JAKMIP2: variants seen among roughly 807,000 people sequenced by gnomAD.
JAKMIP2 encodes janus kinase and microtubule interacting protein 2, also known as janus kinase and microtubule-interacting protein 2.
JAKMIP2 carries 25 observed loss-of-function variants against 115.0 expected under a neutral mutation model. The ratio of observed to expected loss-of-function variants is 0.22; its 90% CI spans 0.16 to 0.30. The LOEUF (loss-of-function observed/expected upper bound fraction) is 0.30. JAKMIP2 is among the 10% of genes least tolerant of loss of function. The pLI is 1.00. For synonymous variants in JAKMIP2, 334 were observed against 343.6 expected (o/e 0.97, Z 0.31); for missense variants, 642 against 957.6 (o/e 0.67, Z 4.35).
intron 21 of JAKMIP2, among the ~76,000 whole-genome samples, chr5:147,596,787 A>C (rs1310441742): frequency 2.0e-5 from 3 of 152,238 alleles, no homozygotes; most frequent in Non-Finnish European, 4.4e-5. Context: ...TTACACAAAA[A>C]GGAATTACTA....
intron 1 of JAKMIP2, among the ~76,000 whole-genome samples, chr5:147,705,963 A>G (rs752687671): frequency 1.3e-4 from 20 of 152,236 alleles, no homozygotes; most frequent in Non-Finnish European, 2.6e-4. Flanking sequence ...TTAACAATTG[A>G]AAATGTAAGT....
chr5:147,671,452 G>T (rs1759580144), intron 2 of JAKMIP2, among the ~76,000 whole-genome samples: 3 of 152,216 alleles, frequency 2.0e-5, no homozygotes, highest in Admixed American at 6.5e-5. Flanking sequence ...TTCCAGAGGA[G>T]GCTAAGATCT....
At chr5:147,594,598 T>C (rs1003787747) in intron 21 of JAKMIP2, 3 of 306,358 alleles carry the variant, frequency 9.8e-6, no homozygotes, top group African/African-American at 2.2e-5. Context: ...CCTCTCAAAA[T>C]GCTGTGATTA....
intron 1 of JAKMIP2, among the ~76,000 whole-genome samples, 155 bp from the exon 2 acceptor site, chr5:147,672,109 A>AT (rs907725312): frequency 7.3e-5 from 11 of 151,442 alleles, no homozygotes; most frequent in Non-Finnish European, 8.8e-5. Context: ...GTTTAGAGTG[A>AT]TTTTTTTTTC....
intron 1 of JAKMIP2, among the ~76,000 whole-genome samples, chr5:147,756,780 T>C (rs1198155185): frequency 6.6e-6 from 1 of 152,054 alleles, no homozygotes; most frequent in African/African-American, 2.4e-5. Context: ...AGCTGCTGTT[T>C]CCAGATTTAC....
intron 1 of JAKMIP2, among the ~76,000 whole-genome samples, chr5:147,751,949 G>A (rs1027374695): frequency 1.3e-5 from 2 of 152,124 alleles, no homozygotes; most frequent in Admixed American, 6.5e-5. Flanking sequence ...AATAGCCAAA[G>A]TCTGCCGTCA....
At chr5:147,626,690 G>T (rs977488202) in intron 16 of JAKMIP2, among the ~76,000 whole-genome samples, 1 of 152,186 alleles carries the variant, frequency 6.6e-6, no homozygotes, top group African/African-American at 2.4e-5. Flanking sequence ...AAGTACAGTT[G>T]TACTGCACCC....
chr5:147,631,016 A>G (rs1368362), intron 14 of JAKMIP2, among the ~76,000 whole-genome samples: 9,646 of 152,230 alleles, frequency 0.063, 860 homozygotes, highest in African/African-American at 0.2. Context: ...GCAATTCCAT[A>G]ATTATGAATT....
At chr5:147,640,937 T>C (rs1757853967) in intron 8 of JAKMIP2, 114 bp from the exon 9 acceptor site, 2 of 804,216 alleles carry the variant, frequency 2.5e-6, no homozygotes, top group East Asian at 2.7e-5. Context: ...ATGGATCCTC[T>C]ATGCTTCTTT....
At chr5:147,682,891 C>G (rs1425105152) in intron 1 of JAKMIP2, among the ~76,000 whole-genome samples, 1 of 152,190 alleles carries the variant, frequency 6.6e-6, no homozygotes, top group Non-Finnish European at 1.5e-5. Flanking sequence ...AATTTCACTC[C>G]TCAGCACTGG....
chr5:147,708,244 A>G (rs79964031), intron 1 of JAKMIP2, among the ~76,000 whole-genome samples: 1,906 of 152,314 alleles, frequency 0.013, 51 homozygotes, highest in African/African-American at 0.044. Flanking sequence ...GACCGAAGAA[A>G]GATTCATACT....
At chr5:147,731,664 C>T (rs541985016) in intron 1 of JAKMIP2, among the ~76,000 whole-genome samples, 1 of 152,212 alleles carries the variant, frequency 6.6e-6, no homozygotes, top group South Asian at 2.1e-4. Flanking sequence ...GTCATGTTTA[C>T]CCAGGAAGAC....
intron 9 of JAKMIP2, among the ~76,000 whole-genome samples, 191 bp from the exon 10 acceptor site, chr5:147,639,951 A>G (rs1346463042): frequency 2.0e-5 from 3 of 152,238 alleles, no homozygotes; most frequent in Non-Finnish European, 4.4e-5. Flanking sequence ...TGGACACTGC[A>G]GAAATACATA....
intron 1 of JAKMIP2, among the ~76,000 whole-genome samples, chr5:147,692,089 T>A (rs1372024506): frequency 6.6e-6 from 1 of 152,100 alleles, no homozygotes; most frequent in Admixed American, 6.5e-5. Flanking sequence ...TACCAAGGAA[T>A]GTCACCTTAC....
In JAKMIP2 at chr5:147,650,423, A is replaced by T. The variant is rs1320196310; in HGVS notation, c.752T>A (p.Val251Asp). ...GCTCATGTTGCACTCAGCCTCCTTGACCAGAAAGAGTTGTTCGTCCAAAGC... is the reference window on the plus strand; with the variant it reads ...GCTCATGTTGCACTCAGCCTCCTTGTCCAGAAAGAGTTGTTCGTCCAAAGC... Reference protein sequence around the residue: ...KEALDEQLFLVKEAECNMSSP... With the variant: ...KEALDEQLFLDKEAECNMSSP... Residue 251 changes from valine (V) to aspartate (D), a missense_variant, in exon 4 of 22, where the codon GTC (valine) becomes GAC (aspartate). Physicochemically the swap from Val to Asp is radical, Grantham distance 152 (BLOSUM62 -3). Coordinates refer to ENST00000616793, the MANE Select transcript of JAKMIP2 (RefSeq NM_001270941.2). 1.2e-6 allele frequency: 2 copies of T among 1,613,864 alleles called. No individual in the cohort carries two copies.
chr5:147,600,715 C>T (rs1469379729), intron 21 of JAKMIP2, among the ~76,000 whole-genome samples: 1 of 152,078 alleles, frequency 6.6e-6, no homozygotes, highest in East Asian at 1.9e-4. Flanking sequence ...CCCACCCTCT[C>T]TCTATCTCCC....
intron 1 of JAKMIP2, among the ~76,000 whole-genome samples, chr5:147,741,861 G>T (rs78057620): frequency 0.11 from 17,096 of 151,708 alleles, 1,174 homozygotes; most frequent in Middle Eastern, 0.19. Context: ...CAGAACTCAA[G>T]AATAACTCCA....
intron 1 of JAKMIP2, among the ~76,000 whole-genome samples, chr5:147,769,619 T>C (rs1486441696): frequency 1.3e-5 from 2 of 152,018 alleles, no homozygotes; most frequent in East Asian, 3.9e-4. Context: ...TTTAAAGAAA[T>C]TAGGTATACA....
chr5:147,678,128 T>C (rs186861223), intron 1 of JAKMIP2, among the ~76,000 whole-genome samples: 26 of 152,204 alleles, frequency 1.7e-4, no homozygotes, highest in African/African-American at 5.8e-4. Context: ...CTCAGCCTCC[T>C]GAGTAGCTGG....
Sources: gnomAD v4.1 joint callset for allele counts (sites outside exome capture counted in the v4.1 genomes callset) on GRCh38, gnomAD v4.1.1 for gene constraint, MANE v1.5 for transcripts, NCBI Gene and HGNC (gene_info 2026-07-23, HGNC 2026-07-21) for gene names.